FRY: variants seen among roughly 807,000 people sequenced by gnomAD.
The protein encoded by FRY is protein furry homolog.
A neutral mutation model predicts 348.4 loss-of-function variants in FRY; 128 were observed. The observed-to-expected ratio is 0.37, with a 90% CI of 0.32 to 0.43. The LOEUF (loss-of-function observed/expected upper bound fraction) is 0.43, where lower values mean the gene tolerates loss of function less well. Ranked by LOEUF, FRY falls within the 20% of genes least tolerant of loss-of-function variation. FRY has a pLI of 1.00. For synonymous variants in FRY, 1,370 were observed against 1,374.7 expected (o/e 1.00, Z 0.08); for missense variants, 2,736 against 3,695.2 (o/e 0.74, Z 6.73).
rs528173952 is a variant in FRY at position 32,044,640 on chromosome 13, A to G, written c.70+12775A>G. Among the ~76,000 whole-genome samples, 11 of 152,210 alleles carry G rather than the reference A, an allele frequency of 7.2e-5. No individual in the cohort carries two copies. The Middle Eastern group carries it at 0.01, about 141-fold the overall frequency. On this transcript the variant is annotated intron_variant, in intron 1 of 60. Transcript: ENST00000542859. ...CTCCCGCCCCACTTTTCCTCTGCTC[A>G]TTTCCCACCAAAACATCTGAAAGAG...
intron 1 of FRY, among the ~76,000 whole-genome samples, chr13:32,068,650 A>C (rs1874408160): frequency 6.6e-6 from 1 of 152,210 alleles, no homozygotes; most frequent in African/African-American, 2.4e-5. Context: ...ACTTGTTGCT[A>C]ACTTTCTCTT....
chr13:32,209,494 C>T (rs1043731735), intron 32 of FRY, 91 bp from the exon 33 acceptor site: 25 of 1,214,594 alleles, frequency 2.1e-5, no homozygotes, highest in South Asian at 3.6e-5. Flanking sequence ...GATTTTGAGA[C>T]GGTCATGACC....
chr13:32,147,272 TC>T lies in FRY; in HGVS notation c.1180-9del. Reference sequence around the variant, plus strand: ...ACATCTGCAGTCTTACATCTTGGTTTCTGTTATAGAACAAAGATCCCAAGAT... The same window carrying T: ...ACATCTGCAGTCTTACATCTTGGTTTTGTTATAGAACAAAGATCCCAAGAT... On this transcript the variant is annotated splice_polypyrimidine_tract_variant and intron_variant, in intron 11 of 60. Transcript: ENST00000542859. 6.5e-7 allele frequency: 1 copy of T among 1,529,862 alleles called. No individual in the cohort carries two copies. The highest frequency in any genetic ancestry group is 1.1e-5 in the South Asian group (1 of 89,290). 94.8% of individuals were successfully genotyped at this position (1,529,862 alleles called of 1,614,324 possible).
chr13:32,185,234 A>G (rs1882960095), intron 26 of FRY, 86 bp downstream of exon 26: 3 of 1,185,828 alleles, frequency 2.5e-6, no homozygotes, highest in East Asian at 2.3e-5. Context: ...CTTTAACCCT[A>G]CTGGCCTTTA....
chr13:32,193,917 A>C (rs1046670284), intron 28 of FRY, among the ~76,000 whole-genome samples: 2 of 152,234 alleles, frequency 1.3e-5, no homozygotes, highest in Non-Finnish European at 2.9e-5. Flanking sequence ...AATTGAGAAT[A>C]GATGGACCCT....
chr13:32,067,300 A>C (rs928642158), intron 1 of FRY, among the ~76,000 whole-genome samples: 1 of 152,146 alleles, frequency 6.6e-6, no homozygotes, highest in African/African-American at 2.4e-5. Flanking sequence ...CCCAGAACAG[A>C]GACTAGGCCT....
At chr13:32,165,883 T>G (rs927206596) in intron 17 of FRY, among the ~76,000 whole-genome samples, 10 of 152,194 alleles carry the variant, frequency 6.6e-5, no homozygotes, top group African/African-American at 2.2e-4. Context: ...ATTTCCTCAT[T>G]TTATGACATG....
At chr13:32,250,924 G>A (rs74779953) in intron 49 of FRY, among the ~76,000 whole-genome samples, 215 of 152,284 alleles carry the variant, frequency 1.4e-3, no homozygotes, top group African/African-American at 4.7e-3. Context: ...TAGGAAAATC[G>A]TTTAGCGAGT....
At chr13:32,243,762 T>C (rs1372240627) in intron 46 of FRY, among the ~76,000 whole-genome samples, 2 of 152,152 alleles carry the variant, frequency 1.3e-5, no homozygotes, top group Non-Finnish European at 2.9e-5. Flanking sequence ...ATATCTTCAG[T>C]TCTTCATAGT....
rs1882934983 is a variant in FRY, at chr13:32,184,870, C to A, written c.3147-106C>A. ...CTTTACACTGCATATAGGTTAGGAA[C>A]AACTTTAGTGTGTGAGTTGTGACAG... On this transcript the variant is annotated intron_variant, in intron 25 of 60. Coordinates refer to ENST00000542859, the MANE Select transcript of FRY (RefSeq NM_023037.3). 9 of 1,132,704 alleles carry A rather than the reference C, an allele frequency of 7.9e-6. No homozygotes were observed. In the South Asian group the frequency reaches 8.7e-5, roughly 11 times the overall value. The allele number at this position is 1,132,704 out of a possible 1,614,324, so 70.2% of individuals were successfully genotyped here.
intron 49 of FRY, 48 bp from the exon 50 acceptor site, chr13:32,251,830 T>C: frequency 8.3e-7 from 1 of 1,210,084 alleles, no homozygotes; most frequent in Non-Finnish European, 1.2e-6. Flanking sequence ...TAGAGCAGAT[T>C]TGCTCACAGG....
rs114791786 is a variant in FRY at position 32,280,117 on chromosome 13, G to A, written c.8469+1569G>A. ...GGAAGCAGGGCCATAGCAGTTGCCC[G>A]TTCTATAGCTGAAGACACCACAGCT... On this transcript the variant is annotated intron_variant, in intron 58 of 60. Transcript: ENST00000542859. 2.3e-3 allele frequency among the ~76,000 whole-genome samples: 352 copies of A among 152,266 alleles called. 1 individual carries two copies. The highest frequency in any genetic ancestry group is 8.1e-3 in the African/African-American group (335 of 41,522).
intron 58 of FRY, among the ~76,000 whole-genome samples, chr13:32,284,686 T>C (rs1888964077): frequency 6.6e-6 from 1 of 152,252 alleles, no homozygotes; most frequent in Non-Finnish European, 1.5e-5. Flanking sequence ...AGTGGGTACA[T>C]ACTATTCCCA....
intron 51 of FRY, among the ~76,000 whole-genome samples, chr13:32,256,473 T>C (rs1237439583): frequency 6.6e-6 from 1 of 151,216 alleles, no homozygotes; most frequent in East Asian, 1.9e-4. Flanking sequence ...AGGTCAAGGC[T>C]GCAGTGAGCC....
At chr13:32,217,450 A>C (rs1885061901) in intron 35 of FRY, among the ~76,000 whole-genome samples, 1 of 152,200 alleles carries the variant, frequency 6.6e-6, no homozygotes, top group African/African-American at 2.4e-5. Context: ...ATAGTCCGAC[A>C]GTGTCTTGCA....
intron 10 of FRY, 44 bp downstream of exon 10, chr13:32,135,227 A>G (rs746794518): frequency 3.5e-6 from 4 of 1,157,714 alleles, no homozygotes; most frequent in Middle Eastern, 2.0e-4. Flanking sequence ...AAAACTGCAC[A>G]GACTAAAATT....
Position 32,120,290 on chromosome 13 carries a change from A to C in FRY, c.464+2817A>C, listed in dbSNP as rs572325030. On this transcript the variant is annotated intron_variant, in intron 4 of 60. Coordinates refer to ENST00000542859, the MANE Select transcript of FRY (RefSeq NM_023037.3). ...ATAATTTTATGCCAGACTGTTCCAC[A>C]CCAGAGTCAGTGCTCTAGGCCACTT... 5.3e-5 allele frequency among the ~76,000 whole-genome samples: 8 copies of C among 152,206 alleles called. No homozygotes were observed. In the South Asian group the frequency reaches 1.5e-3, roughly 28 times the overall value.
intron 7 of FRY, among the ~76,000 whole-genome samples, chr13:32,128,724 G>T (rs902550727): frequency 6.6e-6 from 1 of 152,132 alleles, no homozygotes; most frequent in Non-Finnish European, 1.5e-5. Flanking sequence ...AATGTGAAAT[G>T]GTATAATCGC....
chr13:32,254,143 A>G, intron 50 of FRY, 81 bp from the exon 51 acceptor site: 2 of 1,273,976 alleles, frequency 1.6e-6, no homozygotes. Context: ...ATACGGTGCT[A>G]TGAAGAGCCA....
Sources: gnomAD v4.1 joint callset for allele counts (sites outside exome capture counted in the v4.1 genomes callset) on GRCh38, gnomAD v4.1.1 for gene constraint, MANE v1.5 for transcripts, NCBI Gene and HGNC (gene_info 2026-07-23, HGNC 2026-07-21) for gene names.